Variants in ELP3 observed in about 807,000 individuals in gnomAD.
The protein encoded by ELP3 is elongator complex protein 3.
A neutral mutation model predicts 74.9 loss-of-function variants in ELP3; 56 were observed. The observed-to-expected ratio is 0.75, with a 90% CI of 0.60 to 0.93. The LOEUF (loss-of-function observed/expected upper bound fraction) is 0.93, where lower values mean the gene tolerates loss of function less well. Ranked by LOEUF, ELP3 falls within the 40% of genes least tolerant of loss-of-function variation. The pLI, the probability that ELP3 is intolerant of heterozygous loss-of-function variation, is 0.00. For synonymous variants in ELP3, 222 were observed against 239.8 expected, an observed-to-expected ratio of 0.93 and a Z score of 0.68; for missense variants, 573 against 686.5, an observed-to-expected ratio of 0.83 and a Z score of 1.85.
chr8:28,113,080 TG>T lies in ELP3; in HGVS notation c.526del (p.Ala176ProfsTer53), dbSNP rs763516015. The T allele has an allele frequency of 2.5e-6, 4 of 1,613,984 alleles. No homozygotes were observed. Among genetic ancestry groups the T allele is most frequent in the Non-Finnish European group, 3.4e-6 (4 of 1,179,916 alleles). The part of the protein sequence containing the change: ...VEFIVMGGTF[M>X]ALPEEYRDYF... Reference sequence around the variant, plus strand: ...TTTATTGTGATGGGTGGAACGTTTATGGCCCTTCCAGAAGAATACAGAGATT... The same window carrying T: ...TTTATTGTGATGGGTGGAACGTTTATGCCCTTCCAGAAGAATACAGAGATT... On this transcript the variant is annotated frameshift_variant, in exon 7 of 15. Transcript: ENST00000256398. LOFTEE classifies it high-confidence loss of function.
At chr8:28,153,657 C>T (rs1288200313) in intron 10 of ELP3, among the ~76,000 whole-genome samples, 1 of 152,174 alleles carries the variant, frequency 6.6e-6, no homozygotes, top group African/African-American at 2.4e-5. Flanking sequence ...GCAGCCCCTT[C>T]TGTGGGCTGG....
chr8:28,153,371 A>G (rs1018141390), intron 10 of ELP3, among the ~76,000 whole-genome samples: 17 of 152,224 alleles, frequency 1.1e-4, no homozygotes, highest in African/African-American at 3.6e-4. Flanking sequence ...AGTGAATTCC[A>G]TGTGTTTAAT....
At chr8:28,171,926 A>G (rs148322073) in intron 14 of ELP3, among the ~76,000 whole-genome samples, 363 of 152,232 alleles carry the variant, frequency 2.4e-3, no homozygotes, top group African/African-American at 8.5e-3. Flanking sequence ...TTCTTTTCCC[A>G]TTGAATGCTC....
rs575652303 is a variant in ELP3 at position 28,133,564 on chromosome 8, A to G, written c.906+1160A>G. 4.6e-5 allele frequency among the ~76,000 whole-genome samples: 7 copies of G among 152,114 alleles called. 1 individual carries two copies. The East Asian group carries it at 1.4e-3, about 29-fold the overall frequency. On this transcript the variant is annotated intron_variant, in intron 9 of 14. Transcript: ENST00000256398. ...ATCCATGTTAACTTTGTTGTGGGAA[A>G]TGAGATTGGTCAGGCCTTTTGTTTT...
chr8:28,123,862 T>A (rs539455760), intron 7 of ELP3, among the ~76,000 whole-genome samples: 1 of 152,338 alleles, frequency 6.6e-6, no homozygotes, highest in South Asian at 2.1e-4. Flanking sequence ...TGTATTATCC[T>A]TTTCCATACA....
chr8:28,121,318 A>AT lies in ELP3; in HGVS notation c.617+8147dup, dbSNP rs202018975. On this transcript the variant is annotated intron_variant, in intron 7 of 14. Transcript: ENST00000256398. ...TTCATTTTTAAATTTTATTATTATT[A>AT]TTATTATTTTTTTTTTTTTGAATCG... Among the ~76,000 whole-genome samples, 281 of 146,552 alleles carry AT rather than the reference A, an allele frequency of 1.9e-3. 3 individuals are homozygous for AT. Among genetic ancestry groups the AT allele is most frequent in the East Asian group, 0.016 (79 of 4,940 alleles).
intron 13 of ELP3, among the ~76,000 whole-genome samples, chr8:28,161,523 G>A (rs570025306): frequency 9.9e-5 from 15 of 151,502 alleles, no homozygotes; most frequent in East Asian, 3.9e-4. Flanking sequence ...GCAGTGAGCC[G>A]AGATTGAGCC....
upstream of ELP3, among the ~76,000 whole-genome samples, chr8:28,090,691 A>T (rs547100463): frequency 6.6e-6 from 1 of 151,924 alleles, no homozygotes; most frequent in Admixed American, 6.6e-5. Flanking sequence ...AACTCAAAGC[A>T]TTGATGTGGG....
At chr8:28,177,742 G>T (rs1186296145) in intron 14 of ELP3, among the ~76,000 whole-genome samples, 4 of 152,160 alleles carry the variant, frequency 2.6e-5, no homozygotes, top group Admixed American at 2.6e-4. Flanking sequence ...GAATGCACCT[G>T]TAATAGCTAA....
At chr8:28,167,806 T>G (rs351762) in intron 14 of ELP3, among the ~76,000 whole-genome samples, 2 of 152,226 alleles carry the variant, frequency 1.3e-5, no homozygotes, top group Non-Finnish European at 2.9e-5. Context: ...GGTATTCTAA[T>G]AAAGATCATA....
intron 5 of ELP3, 93 bp downstream of exon 5, chr8:28,108,069 G>T: frequency 9.7e-7 from 1 of 1,026,958 alleles, no homozygotes; most frequent in Admixed American, 2.7e-5. Flanking sequence ...ACAATTTTTT[G>T]TTTTTGTTTT....
chr8:28,182,107 T>A (rs945894424), intron 14 of ELP3, among the ~76,000 whole-genome samples: 11 of 152,202 alleles, frequency 7.2e-5, no homozygotes, highest in Non-Finnish European at 2.9e-5. Flanking sequence ...ACTCTGGTAT[T>A]GCATTTATCC....
intron 3 of ELP3, among the ~76,000 whole-genome samples, chr8:28,102,258 A>G (rs1277296831): frequency 6.6e-6 from 1 of 152,198 alleles, no homozygotes. Context: ...CTCCTGAAGT[A>G]TAGCATAACC....
chr8:28,135,234 G>A (rs888606961), intron 9 of ELP3, among the ~76,000 whole-genome samples: 9 of 152,144 alleles, frequency 5.9e-5, no homozygotes, highest in South Asian at 2.1e-4. Context: ...GGCCTAAAGC[G>A]ATTCCTTATG....
chr8:28,159,259 C>A (rs1813970682), intron 12 of ELP3, among the ~76,000 whole-genome samples: 1 of 152,176 alleles, frequency 6.6e-6, no homozygotes, highest in South Asian at 2.1e-4. Flanking sequence ...TCTTGTGGAA[C>A]CCCATTTGAG....
Position 28,189,832 on chromosome 8 carries a change from T to A in ELP3, c.*107T>A. ...GGCTGAGCAGAGCAAATGGGGGGCT[T>A]CACCCTCATCCCGCAGCTGCAGAGA... is the stretch of plus-strand genomic sequence containing the variant. On this transcript the variant is annotated 3_prime_UTR_variant, in exon 15 of 15. Coordinates refer to ENST00000256398, the MANE Select transcript of ELP3 (RefSeq NM_018091.6). The A allele has an allele frequency of 8.3e-7, 1 of 1,208,542 alleles. No individual in the cohort carries two copies. Among genetic ancestry groups the A allele is most frequent in the Middle Eastern group, 2.6e-4 (1 of 3,826 alleles). The allele number at this position is 1,208,542 out of a possible 1,614,324, so 74.9% of individuals were successfully genotyped here.
intron 7 of ELP3, among the ~76,000 whole-genome samples, chr8:28,127,215 G>T (rs970375584): frequency 1.3e-5 from 2 of 152,092 alleles, no homozygotes; most frequent in African/African-American, 4.8e-5. Context: ...GTATGTCCTT[G>T]GTGGGGCCTT....
At chr8:28,164,890 G>A (rs1814246858) in intron 14 of ELP3, among the ~76,000 whole-genome samples, 2 of 152,094 alleles carry the variant, frequency 1.3e-5, no homozygotes, top group Admixed American at 1.3e-4. Context: ...GTACAGTGAT[G>A]TGTGTGCGTG....
At chr8:28,183,115 G>A (rs144197179) in intron 14 of ELP3, 1 of 456,078 alleles carries the variant, frequency 2.2e-6, no homozygotes, top group African/African-American at 2.0e-5. Context: ...TAAAGTGTGT[G>A]CAGTGGAAGT....
Sources: allele counts gnomAD v4.1 joint callset (sites outside exome capture counted in the v4.1 genomes callset), GRCh38; gene constraint gnomAD v4.1.1; transcripts MANE v1.5; gene names NCBI Gene and HGNC (gene_info 2026-07-23, HGNC 2026-07-21).